ATAD5: variants seen among roughly 807,000 people sequenced by gnomAD.
ATAD5 encodes the protein ATPase family AAA domain containing 5, also known as ATPase family AAA domain-containing protein 5.
A neutral mutation model predicts 176.9 loss-of-function variants in ATAD5; 58 were observed. The observed-to-expected ratio is 0.33, with a 90% CI of 0.27 to 0.41. The LOEUF is 0.41. Ranked by LOEUF, ATAD5 falls within the 10% of genes least tolerant of loss-of-function variation. The probability of loss-of-function intolerance (pLI) is 1.00; values close to 1 mark genes in which losing one functional copy is unlikely to be tolerated. For missense variants in ATAD5, 1,789 were observed against 2,094.1 expected, an observed-to-expected ratio of 0.85 and a Z score of 2.84; for synonymous variants, 640 against 712.6, an observed-to-expected ratio of 0.90 and a Z score of 1.62.
At chr17:30,888,853 G>T (rs761042940) in intron 19 of ATAD5, among the ~76,000 whole-genome samples, 1 of 151,864 alleles carries the variant, frequency 6.6e-6, no homozygotes, top group African/African-American at 2.4e-5. Flanking sequence ...AGATCATGAG[G>T]TCAGGAGATC....
intron 9 of ATAD5, among the ~76,000 whole-genome samples, chr17:30,859,717 G>GTGGTGTTTTCATGGC (rs1567687774): frequency 1.4e-5 from 2 of 147,684 alleles, no homozygotes; most frequent in East Asian, 2.0e-4. Context: ...CTAGAATACA[G>GTGGTGTTTTCATGGC]TTTGTTTGTT....
At chr17:30,848,460 T>C (rs185829682) in intron 6 of ATAD5, among the ~76,000 whole-genome samples, 127 of 152,230 alleles carry the variant, frequency 8.3e-4, no homozygotes, top group African/African-American at 2.9e-3. Flanking sequence ...GGTTTTGCCA[T>C]GTTGCCCAGG....
At chr17:30,884,424 C>CTTTTTTTTTTTTTTT (rs61664127) in intron 18 of ATAD5, among the ~76,000 whole-genome samples, 4 of 80,982 alleles carry the variant, frequency 4.9e-5, no homozygotes, top group African/African-American at 1.2e-4. Flanking sequence ...CTTTTCTTTT[C>CTTTTTTTTTTTTTTT]TTTTTTTTTT....
At chr17:30,844,747 CAAAAAAAAAAAAAA>C in intron 5 of ATAD5, 74 bp from the exon 6 acceptor site, 1 of 343,394 alleles carries the variant, frequency 2.9e-6, no homozygotes, top group Admixed American at 6.0e-5. Flanking sequence ...GACTCCATCT[CAAAAAAAAAAAAAA>C]AAAAAAAAAA....
At chr17:30,892,546 A>T in intron 19 of ATAD5, 61 bp from the exon 20 acceptor site, 1 of 1,218,292 alleles carries the variant, frequency 8.2e-7, no homozygotes. Context: ...GGCTTTAAAT[A>T]ATTGTTTGAT....
intron 17 of ATAD5, among the ~76,000 whole-genome samples, chr17:30,878,772 C>T (rs1478023566): frequency 3.5e-5 from 4 of 115,578 alleles, no homozygotes; most frequent in Non-Finnish European, 6.6e-5. Flanking sequence ...CACTCTGTTG[C>T]CCAGGCTGGA....
intron 6 of ATAD5, among the ~76,000 whole-genome samples, chr17:30,849,478 T>C (rs1243952299): frequency 1.3e-5 from 2 of 152,252 alleles, no homozygotes; most frequent in Non-Finnish European, 2.9e-5. Flanking sequence ...TCTTCATTTC[T>C]CTTTTTAATT....
chr17:30,867,018 G>T (rs1042418010), intron 11 of ATAD5, among the ~76,000 whole-genome samples: 1 of 151,586 alleles, frequency 6.6e-6, no homozygotes, highest in African/African-American at 2.4e-5. Context: ...GCGTGAACTT[G>T]GTACTACTGT....
At chr17:30,891,102 G>C (rs1183581929) in intron 19 of ATAD5, among the ~76,000 whole-genome samples, 1 of 152,108 alleles carries the variant, frequency 6.6e-6, no homozygotes, top group Non-Finnish European at 1.5e-5. Flanking sequence ...TTGATGGAGA[G>C]AATTCTAGAA....
At chr17:30,863,542 AT>A (rs1241884540) in intron 10 of ATAD5, among the ~76,000 whole-genome samples, 1 of 144,856 alleles carries the variant, frequency 6.9e-6, no homozygotes, top group Non-Finnish European at 1.5e-5. Flanking sequence ...AATTTTTTGT[AT>A]TTTTAGTAGA....
intron 11 of ATAD5, among the ~76,000 whole-genome samples, chr17:30,867,721 C>T (rs1271210998): frequency 6.6e-6 from 1 of 152,156 alleles, no homozygotes; most frequent in Non-Finnish European, 1.5e-5. Flanking sequence ...AAGCCATCCT[C>T]CCACCTGAGC....
rs1377291130 is a variant in ATAD5 at position 30,835,141 on chromosome 17, A to T, written c.1060A>T (p.Ser354Cys). 15 of 1,614,150 alleles carry T rather than the reference A, an allele frequency of 9.3e-6. No individual in the cohort carries two copies. The highest frequency in any genetic ancestry group is 1.3e-5 in the Non-Finnish European group (15 of 1,180,008). The part of the protein sequence containing the change: ...LKQKQFEMEN[S>C]LSDPENEQTV... ...ACAAAAGCAATTTGAAATGGAAAATAGTTTATCTGATCCTGAGAATGAACA... is the reference window on the plus strand; with the variant it reads ...ACAAAAGCAATTTGAAATGGAAAATTGTTTATCTGATCCTGAGAATGAACA... The change falls in exon 2 of 23, where the codon AGT becomes TGT. Residue 354 changes from serine (S) to cysteine (C), a missense_variant. By Grantham distance (112) the Ser-to-Cys change is moderately radical. Coordinates refer to ENST00000321990, the MANE Select transcript of ATAD5 (RefSeq NM_024857.5).
intron 10 of ATAD5, 46 bp downstream of exon 10, chr17:30,860,658 C>T: frequency 7.0e-7 from 1 of 1,433,588 alleles, no homozygotes; most frequent in Non-Finnish European, 9.2e-7. Flanking sequence ...GCTTTGAGGA[C>T]ATGCAAAGTG....
chr17:30,888,486 G>A (rs938851201), intron 19 of ATAD5, among the ~76,000 whole-genome samples: 1 of 152,098 alleles, frequency 6.6e-6, no homozygotes, highest in African/African-American at 2.4e-5. Flanking sequence ...CGAGGCTGCA[G>A]TGAGCCAAGA....
chr17:30,884,833 C>T (rs1909227724), intron 18 of ATAD5, among the ~76,000 whole-genome samples: 3 of 149,242 alleles, frequency 2.0e-5, no homozygotes, highest in South Asian at 2.1e-4. Context: ...CTGCAAGCTC[C>T]GCCTCCTGGG....
intron 14 of ATAD5, among the ~76,000 whole-genome samples, chr17:30,875,115 T>A (rs952830005): frequency 1.2e-4 from 18 of 151,976 alleles, no homozygotes; most frequent in African/African-American, 4.3e-4. Context: ...AAAAAAAGAA[T>A]AGGACACAGA....
At chr17:30,872,193 G>C (rs1302549022) in intron 14 of ATAD5, among the ~76,000 whole-genome samples, 1 of 152,080 alleles carries the variant, frequency 6.6e-6, no homozygotes, top group Admixed American at 6.6e-5. Flanking sequence ...AGGATTACAA[G>C]TGTGAGCCGT....
intron 12 of ATAD5, among the ~76,000 whole-genome samples, 194 bp from the exon 13 acceptor site, chr17:30,869,054 C>T (rs1360826334): frequency 2.6e-5 from 4 of 151,886 alleles, no homozygotes; most frequent in Non-Finnish European, 1.5e-5. Context: ...TCTCGAACTC[C>T]TGACCTTGTG....
At chr17:30,837,132 A>G (rs1905794549) in intron 2 of ATAD5, 74 bp from the exon 3 acceptor site, 1 of 835,964 alleles carries the variant, frequency 1.2e-6, no homozygotes, top group African/African-American at 1.8e-5. Context: ...GCTCTATTTT[A>G]TCTATATTTA....
Sources: gnomAD v4.1 joint callset for allele counts (sites outside exome capture counted in the v4.1 genomes callset) on GRCh38, gnomAD v4.1.1 for gene constraint, MANE v1.5 for transcripts, NCBI Gene and HGNC (gene_info 2026-07-23, HGNC 2026-07-21) for gene names.